The following SYNJ1 variants were observed in gnomAD, a reference collection of about 807,000 sequenced individuals.
SYNJ1 encodes synaptojanin 1.
In SYNJ1, 78 loss-of-function variants were observed where a neutral mutation model predicts 168.2. That is an observed-to-expected ratio of 0.46 (90% CI 0.39 to 0.56). The LOEUF (loss-of-function observed/expected upper bound fraction) is 0.56. Ranked by LOEUF, SYNJ1 falls within the 20% of genes least tolerant of loss-of-function variation. The probability of loss-of-function intolerance (pLI) is 0.00; values close to 1 mark genes in which losing one functional copy is unlikely to be tolerated. For synonymous variants in SYNJ1, 539 were observed against 548.6 expected, an observed-to-expected ratio of 0.98 and a Z score of 0.24; for missense variants, 1,303 against 1,597.6, an observed-to-expected ratio of 0.82 and a Z score of 3.14.
chr21:32,702,118 CAG>C (rs1394364551), intron 2 of SYNJ1, 71 bp from the exon 3 acceptor site: 1 of 1,130,968 alleles, frequency 8.8e-7, no homozygotes. Flanking sequence ...AGTATAAATC[CAG>C]AGTTTCAATC....
chr21:32,634,432 A>T (rs1007931204), intron 32 of SYNJ1, among the ~76,000 whole-genome samples: 1 of 152,172 alleles, frequency 6.6e-6, no homozygotes, highest in Non-Finnish European at 1.5e-5. Context: ...TACCAATAAC[A>T]ATCTTGCTAC....
chr21:32,727,968 T>C lies in SYNJ1; in HGVS notation c.-45A>G. 1 of 1,534,482 alleles carries C rather than the reference T, an allele frequency of 6.5e-7. No individual in the cohort carries two copies. The highest frequency in any genetic ancestry group is 8.7e-7 in the Non-Finnish European group (1 of 1,145,952). On this transcript the variant is annotated 5_prime_UTR_variant, in exon 1 of 33. Coordinates refer to ENST00000674351, the MANE Select transcript of SYNJ1 (RefSeq NM_203446.3). ...CACCTCTTCCTCCGGCTCCTCCTCCTCCTTCTCCCGCAGCCGCCGCCACAG... is the reference window on the plus strand; with the variant it reads ...CACCTCTTCCTCCGGCTCCTCCTCCCCCTTCTCCCGCAGCCGCCGCCACAG...
chr21:32,701,592 ATGTCTT>A (rs1019773592), intron 3 of SYNJ1, among the ~76,000 whole-genome samples: 2 of 151,860 alleles, frequency 1.3e-5, no homozygotes, highest in African/African-American at 4.8e-5. Context: ...TTCAAAACAG[ATGTCTT>A]TTCCAATACA....
Position 32,629,811 on chromosome 21 carries a change from C to CA in SYNJ1, c.*1993dup, listed in dbSNP as rs1027675056. ...TTCAAAAAATTAATAAAAGCGGGAT[C>CA]AGTTGCATATTGGCAGTGCAGGAGA... On this transcript the variant is annotated 3_prime_UTR_variant, in exon 33 of 33. Coordinates refer to ENST00000674351, the MANE Select transcript of SYNJ1 (RefSeq NM_203446.3). 6 of 152,502 alleles carry CA rather than the reference C, an allele frequency of 3.9e-5. No homozygotes were observed. Among genetic ancestry groups the CA allele is most frequent in the African/African-American group, 1.4e-4 (6 of 41,430 alleles). The allele number at this position is 152,502 out of a possible 1,614,324, so 9.4% of individuals were successfully genotyped here. A position where few individuals can be genotyped will look rare whatever the true frequency, so the allele number is the denominator to read the frequency against.
chr21:32,698,601 C>G (rs1004944709), intron 4 of SYNJ1, among the ~76,000 whole-genome samples: 8 of 152,204 alleles, frequency 5.3e-5, no homozygotes, highest in African/African-American at 1.9e-4. Context: ...AACAGAACCA[C>G]TATACTAGAA....
chr21:32,650,384 T>C, intron 22 of SYNJ1, 38 bp from the exon 23 acceptor site: 1 of 1,554,596 alleles, frequency 6.4e-7, no homozygotes. Context: ...AAGATTAACA[T>C]GAAAGCTAAC....
Position 32,645,781 on chromosome 21 carries a change from TAGG to T in SYNJ1, c.3253_3255del (p.Pro1085del). 1.4e-6 allele frequency: 2 copies of T among 1,476,578 alleles called. No individual in the cohort carries two copies. The highest frequency in any genetic ancestry group is 1.8e-6 in the Non-Finnish European group (2 of 1,111,332). 91.5% of individuals were successfully genotyped at this position (1,476,578 alleles called of 1,614,324 possible). On this transcript the variant is annotated inframe_deletion, in exon 25 of 33. Transcript: ENST00000674351. ...AGCGGCGTTGCTGGCTGCGCGTCAA[TAGG>T]AGAACCTAAAAAGCGCACAGGAGGT...
At chr21:32,654,076 ATGT>A (rs2040373352) in intron 21 of SYNJ1, 1 of 152,178 alleles carries the variant, frequency 6.6e-6, no homozygotes, top group African/African-American at 2.4e-5. Context: ...ACAAATTATG[ATGT>A]TATCAGTCTT....
chr21:32,695,917 G>A (rs1481872888), intron 4 of SYNJ1, among the ~76,000 whole-genome samples: 4 of 151,648 alleles, frequency 2.6e-5, no homozygotes, highest in Non-Finnish European at 5.9e-5. Flanking sequence ...CGGGATCTTG[G>A]CTCACTGCAA....
Position 32,723,843 on chromosome 21 carries a change from A to T in SYNJ1, c.124+2929T>A, listed in dbSNP as rs150863441. Reference sequence around the variant, plus strand: ...GACCATGTCTCAAAAAATAAAAGCAAAAAAGAAGTATGCACCTTGTGATAC... The same window carrying T: ...GACCATGTCTCAAAAAATAAAAGCATAAAAGAAGTATGCACCTTGTGATAC... On this transcript the variant is annotated intron_variant, in intron 2 of 32. Transcript: ENST00000674351. Among the ~76,000 whole-genome samples the T allele has an allele frequency of 5.8e-3, 877 of 152,158 alleles. 9 individuals are homozygous for T. Among genetic ancestry groups the T allele is most frequent in the Non-Finnish European group, 8.0e-3 (542 of 67,990 alleles).
chr21:32,644,348 C>T (rs979398785), intron 26 of SYNJ1, among the ~76,000 whole-genome samples: 1 of 152,218 alleles, frequency 6.6e-6, no homozygotes, highest in African/African-American at 2.4e-5. Flanking sequence ...ATTGCTCAGC[C>T]ATGTCACTAG....
At chr21:32,667,885 C>T (rs562302137) in intron 15 of SYNJ1, among the ~76,000 whole-genome samples, 1 of 151,982 alleles carries the variant, frequency 6.6e-6, no homozygotes, top group African/African-American at 2.4e-5. Context: ...CACTAGAATA[C>T]GAAGTCCATG....
At chr21:32,663,173 C>T (rs1466584055) in intron 18 of SYNJ1, among the ~76,000 whole-genome samples, 4 of 152,152 alleles carry the variant, frequency 2.6e-5, no homozygotes, top group Non-Finnish European at 5.9e-5. Context: ...GAATTAGTAC[C>T]TACAGACCCA....
intron 2 of SYNJ1, among the ~76,000 whole-genome samples, chr21:32,704,789 T>A (rs1251999622): frequency 1.3e-5 from 2 of 152,152 alleles, no homozygotes; most frequent in Admixed American, 6.5e-5. Flanking sequence ...GAGCCAGGTT[T>A]CTCACTGTCA....
chr21:32,721,552 G>A (rs1048745272), intron 2 of SYNJ1, among the ~76,000 whole-genome samples: 1 of 151,812 alleles, frequency 6.6e-6, no homozygotes, highest in Non-Finnish European at 1.5e-5. Flanking sequence ...GGTGGGGGGC[G>A]CCTGTGGTCC....
At chr21:32,632,449 G>A (rs1048542184) in intron 32 of SYNJ1, among the ~76,000 whole-genome samples, 8 of 150,836 alleles carry the variant, frequency 5.3e-5, no homozygotes, top group Non-Finnish European at 7.4e-5. Flanking sequence ...GCAATGGCAC[G>A]ATTTTGGCTC....
chr21:32,632,460 A>T (rs1347578781), intron 32 of SYNJ1, among the ~76,000 whole-genome samples: 1 of 150,522 alleles, frequency 6.6e-6, no homozygotes, highest in Non-Finnish European at 1.5e-5. Context: ...ATTTTGGCTC[A>T]CTGCAACCTC....
chr21:32,681,986 T>C (rs561929752), intron 10 of SYNJ1, among the ~76,000 whole-genome samples: 6 of 152,208 alleles, frequency 3.9e-5, no homozygotes, highest in African/African-American at 1.4e-4. Flanking sequence ...TAAAAAAAAG[T>C]TTACTTAGTC....
intron 2 of SYNJ1, among the ~76,000 whole-genome samples, 186 bp from the exon 3 acceptor site, chr21:32,702,233 C>CCTGTCCA (rs1484421878): frequency 6.6e-6 from 1 of 152,148 alleles, no homozygotes; most frequent in Non-Finnish European, 1.5e-5. Context: ...TATTCCAAGA[C>CCTGTCCA]CATCTATTAA....
Sources: allele counts gnomAD v4.1 joint callset (sites outside exome capture counted in the v4.1 genomes callset), GRCh38; gene constraint gnomAD v4.1.1; transcripts MANE v1.5; gene names NCBI Gene and HGNC (gene_info 2026-07-23, HGNC 2026-07-21).